Variants in NETO2 observed in about 807,000 individuals in gnomAD.
The protein encoded by NETO2 is neuropilin and tolloid-like protein 2.
NETO2 carries 28 observed loss-of-function variants against 62.5 expected under a neutral mutation model. That is an observed-to-expected ratio of 0.45 (90% CI 0.33 to 0.61). The LOEUF (loss-of-function observed/expected upper bound fraction) is 0.61. Among genes scored for constraint, NETO2 ranks in the 20% least tolerant of loss-of-function variants. NETO2 has a pLI of 0.02. For missense variants in NETO2, 548 were observed against 643.2 expected (o/e 0.85, Z 1.60); for synonymous variants, 214 against 219.1 (o/e 0.98, Z 0.21).
At chr16:47,123,236 T>C (rs1405379844) in intron 4 of NETO2, among the ~76,000 whole-genome samples, 1 of 152,244 alleles carries the variant, frequency 6.6e-6, no homozygotes, top group Non-Finnish European at 1.5e-5. Flanking sequence ...GAAGTTCCTT[T>C]CTGCTGAATC....
At chr16:47,135,291 A>G (rs1596750517) in intron 1 of NETO2, among the ~76,000 whole-genome samples, 1 of 152,154 alleles carries the variant, frequency 6.6e-6, no homozygotes, top group Admixed American at 6.5e-5. Flanking sequence ...TTTATTCCCA[A>G]TCTAGGTGCC....
rs1963062131 is a variant in NETO2 at position 47,081,639 on chromosome 16, A to C, written c.*1582T>G. The C allele has an allele frequency of 6.6e-6, 1 of 152,596 alleles. No individual in the cohort carries two copies. The highest frequency in any genetic ancestry group is 1.5e-5 in the Non-Finnish European group (1 of 67,982). The allele number at this position is 152,596 out of a possible 1,614,324, so 9.5% of individuals were successfully genotyped here. A position where few individuals can be genotyped will look rare whatever the true frequency, so the allele number is the denominator to read the frequency against. ...ATGAAATCCAGTGAAACTTCAACTT[A>C]TTTCATTGAGAATTTACTAACAAAA... is the stretch of plus-strand genomic sequence containing the variant. On this transcript the variant is annotated 3_prime_UTR_variant, in exon 9 of 9. Transcript: ENST00000562435.
chr16:47,108,088 T>A (rs1263431801), intron 7 of NETO2, among the ~76,000 whole-genome samples: 1 of 152,018 alleles, frequency 6.6e-6, no homozygotes, highest in African/African-American at 2.4e-5. Flanking sequence ...AATAATAATA[T>A]TATTAATATT....
chr16:47,143,645 T>G lies in NETO2; in HGVS notation c.-33A>C. The G allele has an allele frequency of 1.6e-6, 2 of 1,219,710 alleles. No individual in the cohort carries two copies. The highest frequency in any genetic ancestry group is 2.0e-6 in the Non-Finnish European group (2 of 977,378). The allele number at this position is 1,219,710 out of a possible 1,614,324, so 75.6% of individuals were successfully genotyped here. ...AGCTGCCCGGCGCTTCGCGAAGGGCTGAGGTAGCGGCGGCGGTGGCTCGGC... is the reference window on the plus strand; with the variant it reads ...AGCTGCCCGGCGCTTCGCGAAGGGCGGAGGTAGCGGCGGCGGTGGCTCGGC... On this transcript the variant is annotated 5_prime_UTR_variant, in exon 1 of 9. Coordinates refer to ENST00000562435, the MANE Select transcript of NETO2 (RefSeq NM_018092.5).
chr16:47,122,510 AAAGT>A (rs1482386641), intron 6 of NETO2, 143 bp downstream of exon 6: 1 of 850,538 alleles, frequency 1.2e-6, no homozygotes, highest in Non-Finnish European at 1.8e-6. Context: ...AGATGCCAAT[AAAGT>A]AAGTGAAATA....
intron 4 of NETO2, 102 bp from the exon 5 acceptor site, chr16:47,123,014 G>A: frequency 8.8e-7 from 1 of 1,136,462 alleles, no homozygotes; most frequent in Non-Finnish European, 1.3e-6. Flanking sequence ...CAAGGTAAGA[G>A]AAGCTTTCAT....
intron 7 of NETO2, among the ~76,000 whole-genome samples, chr16:47,097,789 G>A (rs1055671322): frequency 1.3e-5 from 2 of 152,164 alleles, no homozygotes; most frequent in African/African-American, 4.8e-5. Context: ...GCTGGCATCT[G>A]GTGGGTGCCC....
At chr16:47,096,355 C>T (rs1963427544) in intron 7 of NETO2, among the ~76,000 whole-genome samples, 1 of 152,044 alleles carries the variant, frequency 6.6e-6, no homozygotes, top group African/African-American at 2.4e-5. Context: ...AGAGCAAAAA[C>T]CCAAAACTTG....
Position 47,109,463 on chromosome 16 carries a change from T to TA in NETO2, c.883+19dup. ...AAAAATATGTAAAAGATCTCAATAC[T>TA]ATAGGAATTATTTACTTACGCTCCA... On this transcript the variant is annotated intron_variant, in intron 7 of 8. Transcript: ENST00000562435. 1 of 1,560,978 alleles carries TA rather than the reference T, an allele frequency of 6.4e-7. No individual in the cohort carries two copies. The highest frequency in any genetic ancestry group is 8.8e-7 in the Non-Finnish European group (1 of 1,131,962).
intron 1 of NETO2, among the ~76,000 whole-genome samples, chr16:47,138,819 C>T (rs2151495727): frequency 6.6e-6 from 1 of 152,280 alleles, no homozygotes; most frequent in East Asian, 1.9e-4. Context: ...TACTATGTGA[C>T]CTGGAGCCTG....
intron 6 of NETO2, among the ~76,000 whole-genome samples, chr16:47,121,474 C>A (rs1964038935): frequency 6.6e-6 from 1 of 152,204 alleles, no homozygotes. Flanking sequence ...AAATTCATTT[C>A]TCAAACCCTA....
intron 7 of NETO2, among the ~76,000 whole-genome samples, chr16:47,099,201 CA>C (rs1963492941): frequency 6.6e-6 from 1 of 152,268 alleles, no homozygotes; most frequent in African/African-American, 2.4e-5. Flanking sequence ...ATTTCATATC[CA>C]GCCAAACTAA....
intron 7 of NETO2, among the ~76,000 whole-genome samples, chr16:47,108,395 G>T (rs1469645004): frequency 1.3e-5 from 2 of 152,188 alleles, no homozygotes; most frequent in African/African-American, 4.8e-5. Context: ...AAAACTGGCA[G>T]ACAGCACCTT....
intron 6 of NETO2, among the ~76,000 whole-genome samples, chr16:47,121,603 A>AT (rs1964042432): frequency 1.3e-5 from 2 of 152,120 alleles, no homozygotes; most frequent in Admixed American, 6.5e-5. Context: ...GTAGTGAAAC[A>AT]TTTTTTCTAA....
In NETO2 at chr16:47,143,824, C is replaced by T. The variant is rs1964518316; in HGVS notation, c.-212G>A. On this transcript the variant is annotated 5_prime_UTR_variant, in exon 1 of 9. Coordinates refer to ENST00000562435, the MANE Select transcript of NETO2 (RefSeq NM_018092.5). ...CGCGCGGCCCGAGCACCCCGACGGG[C>T]GCCGCCTCCTGCTCCGCGGCGCCCC... The T allele has an allele frequency of 3.9e-6, 2 of 514,348 alleles. No individual in the cohort carries two copies. Among genetic ancestry groups the T allele is most frequent in the Middle Eastern group, 6.2e-4 (1 of 1,612 alleles). 31.9% of individuals were successfully genotyped at this position (514,348 alleles called of 1,614,324 possible).
chr16:47,113,582 ATTC>A (rs1963846105), intron 6 of NETO2, among the ~76,000 whole-genome samples: 1 of 120,698 alleles, frequency 8.3e-6, no homozygotes, highest in African/African-American at 3.1e-5. Flanking sequence ...ACCACAGTTT[ATTC>A]TTTTTTTTTT....
At chr16:47,141,090 A>T (rs1447943508) in intron 1 of NETO2, among the ~76,000 whole-genome samples, 2 of 152,258 alleles carry the variant, frequency 1.3e-5, no homozygotes, top group African/African-American at 4.8e-5. Context: ...AAGCCTAGTA[A>T]GGTTATTCTT....
chr16:47,142,720 A>G (rs568954882), intron 1 of NETO2, among the ~76,000 whole-genome samples: 1 of 152,348 alleles, frequency 6.6e-6, no homozygotes, highest in South Asian at 2.1e-4. Flanking sequence ...GAGTTTCAGG[A>G]GCAACTTTGT....
intron 6 of NETO2, among the ~76,000 whole-genome samples, chr16:47,113,504 T>C (rs982575673): frequency 6.6e-6 from 1 of 152,182 alleles, no homozygotes; most frequent in Non-Finnish European, 1.5e-5. Context: ...CATGATGCAT[T>C]TGGGGTTACT....
Sources: allele counts gnomAD v4.1 joint callset (sites outside exome capture counted in the v4.1 genomes callset), GRCh38; gene constraint gnomAD v4.1.1; transcripts MANE v1.5; gene names NCBI Gene and HGNC (gene_info 2026-07-23, HGNC 2026-07-21).